Variants in KLHL18 observed in about 807,000 individuals in gnomAD.
KLHL18 encodes the protein kelch like family member 18.
Under a neutral mutation model 58.5 loss-of-function variants are expected in KLHL18, and 38 were observed. The observed-to-expected ratio is 0.65, with a 90% CI of 0.50 to 0.85. The LOEUF (loss-of-function observed/expected upper bound fraction) is 0.85. KLHL18 is among the 40% of genes least tolerant of loss of function. KLHL18 has a pLI of 0.00. For missense variants in KLHL18, 624 were observed against 778.4 expected, an observed-to-expected ratio of 0.80 and a Z score of 2.36; for synonymous variants, 303 against 301.9, an observed-to-expected ratio of 1.00 and a Z score of -0.04.
Position 47,343,988 on chromosome 3 carries a change from G to A in KLHL18, c.*47G>A. On this transcript the variant is annotated 3_prime_UTR_variant, in exon 10 of 10. Coordinates refer to ENST00000232766, the MANE Select transcript of KLHL18 (RefSeq NM_025010.5). ...GGGCAGGGATCTGGTACAGACATAG[G>A]CGCTTCCTTCCAGGAACAGTCCCTC... is the stretch of plus-strand genomic sequence containing the variant. 6.3e-7 allele frequency: 1 copy of A among 1,591,170 alleles called. No homozygotes were observed.
At chr3:47,322,824 A>G (rs962090638) in intron 3 of KLHL18, 116 bp downstream of exon 3, 2 of 999,118 alleles carry the variant, frequency 2.0e-6, no homozygotes, top group Middle Eastern at 2.6e-4. Context: ...TGAGCTGGAA[A>G]GGTTATTCTG....
chr3:47,297,644 G>T (rs747620409), intron 1 of KLHL18: 97 of 456,446 alleles, frequency 2.1e-4, no homozygotes, highest in Middle Eastern at 6.5e-4. Flanking sequence ...CCAGTCCTGA[G>T]CCAGAAGGTC....
chr3:47,299,925 C>A (rs1042937167), intron 1 of KLHL18, among the ~76,000 whole-genome samples: 1 of 150,196 alleles, frequency 6.7e-6, no homozygotes, highest in African/African-American at 2.4e-5. Flanking sequence ...TGACTCAAGA[C>A]TGTAACATCA....
At chr3:47,316,482 T>C (rs1471776132) in intron 1 of KLHL18, among the ~76,000 whole-genome samples, 1 of 17,560 alleles carries the variant, frequency 5.7e-5, no homozygotes, top group African/African-American at 9.4e-5. Flanking sequence ...TGTATATATA[T>C]ACATATATAC....
intron 4 of KLHL18, among the ~76,000 whole-genome samples, chr3:47,331,872 T>C (rs1273930727): frequency 6.6e-6 from 1 of 151,904 alleles, no homozygotes; most frequent in Non-Finnish European, 1.5e-5. Flanking sequence ...CTGGAATAAG[T>C]GAGGACAGTC....
At chr3:47,294,787 A>G (rs1194668042) in intron 1 of KLHL18, among the ~76,000 whole-genome samples, 1 of 152,248 alleles carries the variant, frequency 6.6e-6, no homozygotes, top group Non-Finnish European at 1.5e-5. Flanking sequence ...CTAAGGTAAT[A>G]GAAAGTTAGG....
At chr3:47,313,130 C>T (rs998791237) in intron 1 of KLHL18, among the ~76,000 whole-genome samples, 3 of 151,290 alleles carry the variant, frequency 2.0e-5, no homozygotes, top group Non-Finnish European at 2.9e-5. Flanking sequence ...AGGATGGTCT[C>T]GATCTTCCGA....
chr3:47,295,767 A>G (rs1048353117), intron 1 of KLHL18, among the ~76,000 whole-genome samples: 3 of 151,582 alleles, frequency 2.0e-5, no homozygotes, highest in Non-Finnish European at 4.4e-5. Flanking sequence ...TTTGGTAGAT[A>G]CAGGGTCTTG....
Position 47,308,023 on chromosome 3 carries a change from G to A in KLHL18, c.130-11630G>A, listed in dbSNP as rs186324930. 1.2e-4 allele frequency among the ~76,000 whole-genome samples: 18 copies of A among 152,128 alleles called. No homozygotes were observed. The East Asian group carries it at 3.3e-3, about 28-fold the overall frequency. On this transcript the variant is annotated intron_variant, in intron 1 of 9. Coordinates refer to ENST00000232766, the MANE Select transcript of KLHL18 (RefSeq NM_025010.5). ...TGGGGGGGATTAATTTATCCCTACT[G>A]CTTCTCCATTTTATAGACTTATTCT...
In KLHL18 at chr3:47,319,646, C is replaced by T. The variant is rs755697951; in HGVS notation, c.130-7C>T. 2.5e-6 allele frequency: 4 copies of T among 1,612,412 alleles called. No homozygotes were observed. The highest frequency in any genetic ancestry group is 3.4e-6 in the Non-Finnish European group (4 of 1,179,008). On this transcript the variant is annotated splice_polypyrimidine_tract_variant and splice_region_variant and intron_variant, in intron 1 of 9. Coordinates refer to ENST00000232766, the MANE Select transcript of KLHL18 (RefSeq NM_025010.5). ...ATATCTGTCTTTGTATTTTACTTTG[C>T]CCACAGATTGGGGACCACAAATTCA...
intron 4 of KLHL18, among the ~76,000 whole-genome samples, chr3:47,332,677 G>A (rs1351206179): frequency 5.3e-5 from 8 of 152,090 alleles, no homozygotes; most frequent in African/African-American, 1.9e-4. Flanking sequence ...AGGTCCTTGT[G>A]GTTGGAGCCA....
chr3:47,335,982 C>T (rs535080440), intron 6 of KLHL18, among the ~76,000 whole-genome samples: 2 of 152,282 alleles, frequency 1.3e-5, no homozygotes, highest in South Asian at 4.1e-4. Flanking sequence ...TTTGTTTGAT[C>T]ATCACAAAAA....
chr3:47,334,756 CG>C lies in KLHL18; in HGVS notation c.837del (p.Pro280HisfsTer14). ...GCCCCACCTGCCAGCTTTCAGAACC[CG>C]GCCACGCTGCTGCACATCCATCGCT... ...RRPHLPAFRT[R>X]PRCCTSIAGL... is the part of the protein sequence containing the mutation. On this transcript the variant is annotated frameshift_variant, in exon 6 of 10. Transcript: ENST00000232766. LOFTEE classifies it high-confidence loss of function. The surrounding 1 kb of genome is among the most constrained non-coding windows in gnomAD (Gnocchi z 4.7). 6.2e-7 allele frequency: 1 copy of C among 1,614,168 alleles called. No individual in the cohort carries two copies. The highest frequency in any genetic ancestry group is 8.5e-7 in the Non-Finnish European group (1 of 1,180,024).
At position 47,334,293 on chromosome 3, in the gene KLHL18, G is replaced by A. The variant is rs1703934802; in HGVS notation, c.762-390G>A. On this transcript the variant is annotated intron_variant, in intron 5 of 9. Transcript: ENST00000232766. The surrounding 1 kb of genome is among the most constrained non-coding windows in gnomAD (Gnocchi z 4.7). Reference sequence around the variant, plus strand: ...AAATGTGTCAGGAGCTGCCACCGTGGAGATGAGTGGTGATTAATTGCAGGT... The same window carrying A: ...AAATGTGTCAGGAGCTGCCACCGTGAAGATGAGTGGTGATTAATTGCAGGT... Among the ~76,000 whole-genome samples the A allele has an allele frequency of 6.6e-6, 1 of 152,188 alleles. No homozygotes were observed. Among genetic ancestry groups the A allele is most frequent in the Non-Finnish European group, 1.5e-5 (1 of 68,036 alleles).
At chr3:47,336,919 C>T in intron 7 of KLHL18, 162 bp downstream of exon 7, 1 of 622,502 alleles carries the variant, frequency 1.6e-6, no homozygotes, top group South Asian at 2.0e-5. Flanking sequence ...AGCGAGCCCC[C>T]ATCTGCTTAA....
At chr3:47,322,445 A>T in intron 2 of KLHL18, 123 bp from the exon 3 acceptor site, 1 of 817,972 alleles carries the variant, frequency 1.2e-6, no homozygotes, top group Non-Finnish European at 1.7e-6. Context: ...TGAAGTAGTT[A>T]CTCCATTAGA....
At chr3:47,293,633 T>G (rs2107582324) in intron 1 of KLHL18, among the ~76,000 whole-genome samples, 1 of 152,342 alleles carries the variant, frequency 6.6e-6, no homozygotes. Context: ...AAATGTCGTG[T>G]AACCTTGACA....
At position 47,284,253 on chromosome 3, in the gene KLHL18, T is replaced by TCACACA. The variant is rs142212788; in HGVS notation, c.129+1174_129+1179dup. On this transcript the variant is annotated intron_variant, in intron 1 of 9. Transcript: ENST00000232766. The stretch of plus-strand genomic sequence containing the variant: ...TTTCTCCTATTTCTCTCTGTCTCTC[T>TCACACA]CACACACACACACACACACAAATAA... Among the ~76,000 whole-genome samples, 754 of 148,440 alleles carry TCACACA rather than the reference T, an allele frequency of 5.1e-3. 7 individuals are homozygous for TCACACA. The highest frequency in any genetic ancestry group is 0.018 in the African/African-American group (717 of 40,586).
At chr3:47,340,364 G>A (rs1559505557) in intron 7 of KLHL18, among the ~76,000 whole-genome samples, 2 of 152,178 alleles carry the variant, frequency 1.3e-5, no homozygotes, top group Non-Finnish European at 2.9e-5. Flanking sequence ...GAAGAGCAGG[G>A]AGGGGAGGCA....
Sources: gnomAD v4.1 joint callset for allele counts (sites outside exome capture counted in the v4.1 genomes callset) on GRCh38, gnomAD v4.1.1 for gene constraint, Gnocchi (gnomAD v3.1) non-coding constraint, MANE v1.5 for transcripts, NCBI Gene and HGNC (gene_info 2026-07-23, HGNC 2026-07-21) for gene names.